Variants in OSBPL10 observed in about 807,000 individuals in gnomAD.
OSBPL10 encodes oxysterol binding protein like 10, also known as oxysterol-binding protein-related protein 10.
A neutral mutation model predicts 81.7 loss-of-function variants in OSBPL10; 49 were observed. The observed-to-expected ratio is 0.60, with a 90% CI of 0.48 to 0.76. OSBPL10 has a LOEUF of 0.76. OSBPL10 is among the 30% of genes least tolerant of loss of function. The pLI is 0.00. For missense variants in OSBPL10, 923 were observed against 987.8 expected, an observed-to-expected ratio of 0.93 and a Z score of 0.88; for synonymous variants, 419 against 383.6, an observed-to-expected ratio of 1.09 and a Z score of -1.08.
At chr3:31,788,619 A>C (rs183502113) in intron 4 of OSBPL10, among the ~76,000 whole-genome samples, 1 of 152,258 alleles carries the variant, frequency 6.6e-6, no homozygotes, top group East Asian at 1.9e-4. Context: ...CTCCCATTTA[A>C]AAATGGCTGT....
intron 8 of OSBPL10, among the ~76,000 whole-genome samples, chr3:31,674,864 G>T (rs1031064635): frequency 6.6e-6 from 1 of 152,180 alleles, no homozygotes; most frequent in Admixed American, 6.5e-5. Flanking sequence ...CCATCCTCTC[G>T]AGTGTACTGT....
intron 1 of OSBPL10, among the ~76,000 whole-genome samples, chr3:31,947,292 C>A (rs1411132519): frequency 1.3e-5 from 2 of 152,138 alleles, no homozygotes; most frequent in African/African-American, 4.8e-5. Flanking sequence ...ACAAGGTCAA[C>A]CCTCGGCCCA....
intron 1 of OSBPL10, among the ~76,000 whole-genome samples, chr3:31,894,580 G>A (rs1222366842): frequency 1.3e-5 from 2 of 152,304 alleles, no homozygotes; most frequent in African/African-American, 2.4e-5. Flanking sequence ...GATGCAGCAA[G>A]CCCAAGAGAA....
Position 31,988,975 on chromosome 3 carries a change from A to G in OSBPL10, n.298+57516T>C, listed in dbSNP as rs188337436. The G allele has an allele frequency of 1.6e-3, 2,378 of 1,477,860 alleles. 5 individuals carry two copies. The highest frequency in any genetic ancestry group is 2.0e-3 in the Non-Finnish European group (2,140 of 1,086,372). 91.5% of individuals were successfully genotyped at this position (1,477,860 alleles called of 1,614,324 possible). ...TCAGTGTTTGTTGCCTTAAGCCACG[A>G]AGTTTGTGATAATTTGTTTCTCGGA... is the stretch of plus-strand genomic sequence containing the variant. On this transcript the variant is annotated intron_variant and non_coding_transcript_variant, in intron 2 of 3. Coordinates refer to the OSBPL10 transcript ENST00000479173.
intron 6 of OSBPL10, among the ~76,000 whole-genome samples, chr3:31,730,567 A>G (rs1239985532): frequency 1.3e-5 from 2 of 152,208 alleles, no homozygotes; most frequent in Admixed American, 6.5e-5. Context: ...TTATAGAAGA[A>G]TATTTCATTT....
chr3:31,763,214 TC>T (rs1698105820), intron 4 of OSBPL10, among the ~76,000 whole-genome samples: 1 of 152,164 alleles, frequency 6.6e-6, no homozygotes, highest in African/African-American at 2.4e-5. Flanking sequence ...TAATCAGAAA[TC>T]ATTTAACACA....
At chr3:31,915,782 A>C (rs1696739111) in intron 1 of OSBPL10, among the ~76,000 whole-genome samples, 1 of 152,012 alleles carries the variant, frequency 6.6e-6, no homozygotes, top group African/African-American at 2.4e-5. Context: ...ATCTGTAACC[A>C]ACCACGCAAC....
intron 2 of OSBPL10, chr3:31,991,154 A>C: frequency 1.4e-6 from 1 of 714,944 alleles, no homozygotes. Context: ...TGTTTACGTT[A>C]AGAGGATTGG....
Position 31,846,138 on chromosome 3 carries a change from G to A in OSBPL10, c.538-15907C>T, listed in dbSNP as rs142119839. Among the ~76,000 whole-genome samples the A allele has an allele frequency of 8.1e-4, 123 of 152,134 alleles. No homozygotes were observed. The East Asian group carries it at 0.02, about 24-fold the overall frequency. On this transcript the variant is annotated intron_variant, in intron 3 of 11. Transcript: ENST00000396556. The stretch of plus-strand genomic sequence containing the variant: ...AGCAATCCTCCTGCCTCAGCCTCCC[G>A]CGTGGCGGGGACAACAGGCATGTCC...
At chr3:31,950,792 G>A (rs956474510) in intron 1 of OSBPL10, among the ~76,000 whole-genome samples, 1 of 152,130 alleles carries the variant, frequency 6.6e-6, no homozygotes, top group Non-Finnish European at 1.5e-5. Flanking sequence ...AGAGCTGGTT[G>A]TTTAAAGGAG....
rs941832660 is a variant in OSBPL10 at position 31,999,328 on chromosome 3, T to C, written n.298+47163A>G. Among the ~76,000 whole-genome samples the C allele has an allele frequency of 6.6e-5, 10 of 151,592 alleles. 1 individual carries two copies. Among genetic ancestry groups the C allele is most frequent in the African/African-American group, 1.9e-4 (8 of 41,160 alleles). On this transcript the variant is annotated intron_variant and non_coding_transcript_variant, in intron 2 of 3. Transcript: ENST00000479173. Reference sequence around the variant, plus strand: ...TCAATGAATGTGATTATTTATGCTTTGGGAGACTTTTCAGATAAAAATATC... The same window carrying C: ...TCAATGAATGTGATTATTTATGCTTCGGGAGACTTTTCAGATAAAAATATC...
chr3:32,031,905 G>A (rs2125552910), intron 2 of OSBPL10, among the ~76,000 whole-genome samples: 1 of 152,266 alleles, frequency 6.6e-6, no homozygotes, highest in Non-Finnish European at 1.5e-5. Context: ...AAATGCAATA[G>A]AAAAATGAGT....
At chr3:32,033,115 T>C (rs1699487715) in intron 2 of OSBPL10, among the ~76,000 whole-genome samples, 1 of 152,220 alleles carries the variant, frequency 6.6e-6, no homozygotes, top group Non-Finnish European at 1.5e-5. Flanking sequence ...ATTTCTGATA[T>C]CATAAAACAA....
At chr3:31,991,108 CTTGACA>C in intron 2 of OSBPL10, 1 of 913,534 alleles carries the variant, frequency 1.1e-6, no homozygotes, top group South Asian at 1.8e-5. Context: ...TTTCAGTTGA[CTTGACA>C]TTGAGTTCAA....
At chr3:31,944,637 G>C (rs1697640466) in intron 1 of OSBPL10, among the ~76,000 whole-genome samples, 1 of 151,050 alleles carries the variant, frequency 6.6e-6, no homozygotes, top group Non-Finnish European at 1.5e-5. Context: ...CAACTCTAAT[G>C]CCTATAATAC....
At chr3:31,959,049 T>A (rs1396881613) in intron 1 of OSBPL10, among the ~76,000 whole-genome samples, 2 of 152,124 alleles carry the variant, frequency 1.3e-5, no homozygotes, top group Admixed American at 1.3e-4. Context: ...GTAATTGTGA[T>A]CCAAAGTAGC....
At chr3:32,058,415 C>T (rs989593872) in intron 1 of OSBPL10, among the ~76,000 whole-genome samples, 1 of 152,078 alleles carries the variant, frequency 6.6e-6, no homozygotes, top group African/African-American at 2.4e-5. Context: ...GCAACCTCTG[C>T]CTCTTGGGTT....
chr3:31,944,959 T>G (rs537093898), intron 1 of OSBPL10, among the ~76,000 whole-genome samples: 294 of 149,428 alleles, frequency 2.0e-3, no homozygotes, highest in African/African-American at 6.8e-3. Context: ...GAGACCATCC[T>G]GGCCAACATA....
rs115380987 is a variant in OSBPL10, at chr3:31,698,882, C to G, written c.1245+3477G>C. Among the ~76,000 whole-genome samples the G allele has an allele frequency of 2.5e-3, 384 of 152,312 alleles. 3 individuals carry two copies. The highest frequency in any genetic ancestry group is 8.9e-3 in the African/African-American group (369 of 41,576). Reference sequence around the variant, plus strand: ...TCTATTTCTCTTCATTATACTTCATCTCCATCTCCTTTTCTTTTCCCTCCC... The same window carrying G: ...TCTATTTCTCTTCATTATACTTCATGTCCATCTCCTTTTCTTTTCCCTCCC... On this transcript the variant is annotated intron_variant, in intron 7 of 11. Coordinates refer to ENST00000396556, the MANE Select transcript of OSBPL10 (RefSeq NM_017784.5).
Sources: allele counts gnomAD v4.1 joint callset (sites outside exome capture counted in the v4.1 genomes callset), GRCh38; gene constraint gnomAD v4.1.1; transcripts MANE v1.5; gene names NCBI Gene and HGNC (gene_info 2026-07-23, HGNC 2026-07-21).